Variants in ASMTL observed in about 807,000 individuals in gnomAD.
The protein encoded by ASMTL is probable bifunctional dTTP/UTP pyrophosphatase/methyltransferase protein.
ASMTL carries 57 observed loss-of-function variants against 60.3 expected under a neutral mutation model. The ratio of observed to expected loss-of-function variants is 0.95; its 90% confidence interval spans 0.76 to 1.18. The LOEUF (loss-of-function observed/expected upper bound fraction) is 1.18, where lower values mean the gene tolerates loss of function less well. Among genes scored for constraint, ASMTL ranks in the 50% most tolerant of loss-of-function variants. The probability of loss-of-function intolerance (pLI) is 0.00; values close to 1 mark genes in which losing one functional copy is unlikely to be tolerated. For synonymous variants in ASMTL, 419 were observed against 373.0 expected (o/e 1.12, Z -1.42); for missense variants, 981 against 852.6 (o/e 1.15, Z -1.88).
In ASMTL at chrX:1,421,355, G is replaced by T. The variant is rs1411592045; in HGVS notation, c.1245+303C>A. ...GGGCTCAAATCATCCTCCCAACTTG[G>T]CCTCCCAAAGTGCTGGGAGTGACAG... On this transcript the variant is annotated intron_variant, in intron 9 of 12. Transcript: ENST00000381317. 3.9e-5 allele frequency among the ~76,000 whole-genome samples: 6 copies of T among 152,238 alleles called. 1 individual carries two copies.
intron 12 of ASMTL, among the ~76,000 whole-genome samples, chrX:1,405,695 AGATAGATGAATGG>A (rs1290115736): frequency 6.6e-6 from 1 of 150,710 alleles, no homozygotes; most frequent in Admixed American, 6.6e-5. Flanking sequence ...ATGGGCAGGT[AGATAGATGAATGG>A]ATGGATATAT....
At chrX:1,435,586 G>GCACAGCTCAGACA in intron 4 of ASMTL, 108 bp downstream of exon 4, 1 of 1,025,294 alleles carries the variant, frequency 9.8e-7, no homozygotes, top group African/African-American at 2.0e-5. Flanking sequence ...CAGCTCAGAC[G>GCACAGCTCAGACA]GCAGAGCTGA....
At chrX:1,416,062 CAG>C (rs2090238594) in intron 11 of ASMTL, among the ~76,000 whole-genome samples, 2 of 147,284 alleles carry the variant, frequency 1.4e-5, no homozygotes, top group African/African-American at 5.3e-5. Context: ...CGCACAGAGA[CAG>C]ACATGCACAG....
At chrX:1,439,287 C>T (rs1336024184) in intron 2 of ASMTL, 143 bp from the exon 3 acceptor site, 3 of 760,694 alleles carry the variant, frequency 3.9e-6, no homozygotes, top group Non-Finnish European at 6.6e-6. Flanking sequence ...TGCTCAAGGT[C>T]ACGAGCAAGG....
intron 5 of ASMTL, among the ~76,000 whole-genome samples, chrX:1,434,672 T>C (rs1299553785): frequency 5.4e-5 from 8 of 149,010 alleles, no homozygotes; most frequent in African/African-American, 1.7e-4. Context: ...GGCATGGTGG[T>C]GGGCACCTGT....
intron 3 of ASMTL, among the ~76,000 whole-genome samples, chrX:1,438,829 G>A (rs1169982084): frequency 6.6e-6 from 1 of 152,152 alleles, no homozygotes; most frequent in Non-Finnish European, 1.5e-5. Flanking sequence ...GTTTTACCGT[G>A]TTGGTCGGGC....
At chrX:1,446,897 A>C (rs1328109566) in intron 1 of ASMTL, among the ~76,000 whole-genome samples, 1 of 152,186 alleles carries the variant, frequency 6.6e-6, no homozygotes, top group Non-Finnish European at 1.5e-5. Flanking sequence ...GTCTTGCCTA[A>C]TGGTTTTCAG....
intron 1 of ASMTL, among the ~76,000 whole-genome samples, chrX:1,452,509 A>C (rs1248584877): frequency 2.7e-4 from 20 of 74,928 alleles, no homozygotes; most frequent in South Asian, 4.5e-4. Context: ...GACCCAGGTC[A>C]CTCCCCACCC....
intron 5 of ASMTL, among the ~76,000 whole-genome samples, chrX:1,433,004 AG>A (rs1168433348): frequency 6.6e-6 from 1 of 152,184 alleles, no homozygotes; most frequent in Non-Finnish European, 1.5e-5. Flanking sequence ...AGGCTGAGGC[AG>A]GAGAATCGCT....
intron 6 of ASMTL, 98 bp downstream of exon 6, chrX:1,432,171 C>T (rs1479527399): frequency 1.3e-5 from 13 of 995,372 alleles, no homozygotes; most frequent in Admixed American, 2.2e-5. Flanking sequence ...CGGAGCGGGG[C>T]CTCCTTCTTT....
chrX:1,449,101 G>A (rs1445493771), intron 1 of ASMTL, among the ~76,000 whole-genome samples: 4 of 152,056 alleles, frequency 2.6e-5, no homozygotes, highest in African/African-American at 4.8e-5. Flanking sequence ...GAAACATTCC[G>A]AGCCTGCGAT....
At chrX:1,426,988 C>CAA (rs2090630567) in intron 7 of ASMTL, among the ~76,000 whole-genome samples, 1 of 83,040 alleles carries the variant, frequency 1.2e-5, no homozygotes, top group South Asian at 7.0e-4. Flanking sequence ...GTCTCAAAAA[C>CAA]AAAAACAAAA....
intron 9 of ASMTL, among the ~76,000 whole-genome samples, chrX:1,420,177 G>T (rs757160497): frequency 6.7e-6 from 1 of 149,108 alleles, no homozygotes; most frequent in Non-Finnish European, 1.5e-5. Flanking sequence ...CTCTGTCTCC[G>T]CCTCCCTCTG....
intron 11 of ASMTL, among the ~76,000 whole-genome samples, chrX:1,416,862 C>T (rs1285478455): frequency 6.6e-6 from 1 of 150,886 alleles, no homozygotes; most frequent in Non-Finnish European, 1.5e-5. Flanking sequence ...CAGACATGTA[C>T]ACATATATCC....
At position 1,435,773 on chromosome X, in the gene ASMTL, G is replaced by A; in HGVS notation, c.274-15C>T. 6.2e-7 allele frequency: 1 copy of A among 1,612,266 alleles called. No homozygotes were observed. Among genetic ancestry groups the A allele is most frequent in the South Asian group, 1.1e-5 (1 of 91,042 alleles). On this transcript the variant is annotated splice_polypyrimidine_tract_variant and intron_variant, in intron 3 of 12. Coordinates refer to ENST00000381317, the MANE Select transcript of ASMTL (RefSeq NM_004192.4). Reference sequence around the variant, plus strand: ...CCCCCGACTGTCTGTGAGAGGAAGGGACAGAGGGAGTTGGTTCCCACCGGC... The same window carrying A: ...CCCCCGACTGTCTGTGAGAGGAAGGAACAGAGGGAGTTGGTTCCCACCGGC...
At chrX:1,433,724 G>A (rs2090880696) in intron 5 of ASMTL, among the ~76,000 whole-genome samples, 1 of 151,942 alleles carries the variant, frequency 6.6e-6, no homozygotes, top group Admixed American at 6.6e-5. Context: ...GGTTCAGGGA[G>A]CTTCTGGTGG....
chrX:1,404,454 ATGGG>A (rs2089724864), intron 12 of ASMTL, among the ~76,000 whole-genome samples: 1 of 149,638 alleles, frequency 6.7e-6, no homozygotes, highest in Non-Finnish European at 1.5e-5. Flanking sequence ...GGGTGAATAG[ATGGG>A]TAGGTAGGTA....
chrX:1,428,046 G>GT lies in ASMTL; in HGVS notation c.584dup (p.Asn195LysfsTer46). 6.2e-7 allele frequency: 1 copy of GT among 1,613,708 alleles called. No individual in the cohort carries two copies. The highest frequency in any genetic ancestry group is 8.5e-7 in the Non-Finnish European group (1 of 1,179,850). ...AGTGGTTCAGCGGGAATCCCACCAC[G>GT]TTCAGAAAGTCCCCGTGTACGGACT... On this transcript the variant is annotated frameshift_variant, in exon 7 of 13. Coordinates refer to ENST00000381317, the MANE Select transcript of ASMTL (RefSeq NM_004192.4). LOFTEE classifies it high-confidence loss of function.
chrX:1,445,111 T>G (rs1470708706), intron 1 of ASMTL, among the ~76,000 whole-genome samples: 7 of 152,106 alleles, frequency 4.6e-5, no homozygotes, highest in African/African-American at 7.2e-5. Context: ...AGATCTGCCC[T>G]CCTCTGACTT....
Sources: gnomAD v4.1 joint callset for allele counts (sites outside exome capture counted in the v4.1 genomes callset) on GRCh38, gnomAD v4.1.1 for gene constraint, MANE v1.5 for transcripts, NCBI Gene and HGNC (gene_info 2026-07-23, HGNC 2026-07-21) for gene names.